AUTS2: variants seen among roughly 807,000 people sequenced by gnomAD.
AUTS2 encodes the protein activator of transcription and developmental regulator AUTS2.
AUTS2 carries 17 observed loss-of-function variants against 112.4 expected under a neutral mutation model. That is an observed-to-expected ratio of 0.15 (90% CI 0.10 to 0.23). The LOEUF (loss-of-function observed/expected upper bound fraction) is 0.23. Ranked by LOEUF, AUTS2 falls within the 10% of genes least tolerant of loss-of-function variation. AUTS2 has a pLI of 1.00. For synonymous variants in AUTS2, 751 were observed against 702.7 expected (o/e 1.07, Z -1.09); for missense variants, 1,510 against 1,701.6 (o/e 0.89, Z 1.98).
In AUTS2 at chr7:70,014,688, G is replaced by A. The variant is rs117938532; in HGVS notation, c.523-103444G>A. ...GTTTTGCTTCTTTGTGTGCATTCAC[G>A]TAGACATGCACACCTCTTCAAATGA... is the stretch of plus-strand genomic sequence containing the variant. On this transcript the variant is annotated intron_variant, in intron 2 of 18. Transcript: ENST00000342771. Among the ~76,000 whole-genome samples the A allele has an allele frequency of 6.6e-4, 100 of 152,258 alleles. 1 individual carries two copies. In the East Asian group the frequency reaches 0.018, roughly 27 times the overall value.
chr7:69,611,669 G>A (rs1397826099), intron 1 of AUTS2, among the ~76,000 whole-genome samples: 1 of 151,986 alleles, frequency 6.6e-6, no homozygotes, highest in Non-Finnish European at 1.5e-5. Flanking sequence ...GGTGGCTCAC[G>A]CCTGTAATCC....
At chr7:70,271,150 A>G (rs1787675230) in intron 4 of AUTS2, among the ~76,000 whole-genome samples, 1 of 152,138 alleles carries the variant, frequency 6.6e-6, no homozygotes, top group Non-Finnish European at 1.5e-5. Flanking sequence ...GCATGAGGGC[A>G]TTCTGTGTCT....
chr7:70,521,492 C>A (rs959100305), intron 5 of AUTS2, among the ~76,000 whole-genome samples: 2 of 152,156 alleles, frequency 1.3e-5, no homozygotes, highest in Non-Finnish European at 2.9e-5. Context: ...TGCACTTAGA[C>A]CCCAGGGTTT....
chr7:69,768,343 T>G (rs903848956), intron 1 of AUTS2, among the ~76,000 whole-genome samples: 4 of 152,264 alleles, frequency 2.6e-5, no homozygotes, highest in African/African-American at 9.6e-5. Context: ...TTTACTTACA[T>G]AAACTCATTT....
At chr7:70,236,677 C>G (rs1677437999) in intron 4 of AUTS2, among the ~76,000 whole-genome samples, 1 of 152,154 alleles carries the variant, frequency 6.6e-6, no homozygotes, top group Non-Finnish European at 1.5e-5. Context: ...CTTTTAGCTT[C>G]TGTTTAGTTT....
intron 2 of AUTS2, among the ~76,000 whole-genome samples, chr7:69,921,774 A>G (rs1485420680): frequency 1.3e-5 from 2 of 150,372 alleles, no homozygotes; most frequent in Non-Finnish European, 3.0e-5. Flanking sequence ...AAAAAAAAAA[A>G]AAAAAAAAAG....
At chr7:69,851,751 T>G (rs747050747) in intron 1 of AUTS2, among the ~76,000 whole-genome samples, 9 of 152,238 alleles carry the variant, frequency 5.9e-5, no homozygotes, top group Non-Finnish European at 1.2e-4. Flanking sequence ...TTCTGAGACA[T>G]TATACATAAC....
chr7:70,325,293 C>T (rs932309264), intron 4 of AUTS2, among the ~76,000 whole-genome samples: 3 of 151,942 alleles, frequency 2.0e-5, no homozygotes, highest in Non-Finnish European at 2.9e-5. Flanking sequence ...CACTTCACTC[C>T]AGCCGGAGTG....
At chr7:70,133,119 A>G (rs1187079484) in intron 3 of AUTS2, among the ~76,000 whole-genome samples, 1 of 152,196 alleles carries the variant, frequency 6.6e-6, no homozygotes, top group Non-Finnish European at 1.5e-5. Context: ...GAGCAGGATC[A>G]CACATCTATG....
chr7:70,362,296 C>T (rs1262401988), intron 4 of AUTS2, among the ~76,000 whole-genome samples: 4 of 152,172 alleles, frequency 2.6e-5, no homozygotes, highest in African/African-American at 4.8e-5. Context: ...TCTTCCCTCC[C>T]TTGTCTCTCT....
chr7:70,718,840 T>C (rs148081487), intron 6 of AUTS2, among the ~76,000 whole-genome samples: 280 of 152,246 alleles, frequency 1.8e-3, no homozygotes, highest in African/African-American at 6.5e-3. Flanking sequence ...ATAATTAAGG[T>C]GACTATATAA....
intron 4 of AUTS2, among the ~76,000 whole-genome samples, chr7:70,225,418 C>T (rs1811711385): frequency 6.6e-6 from 1 of 152,132 alleles, no homozygotes; most frequent in Non-Finnish European, 1.5e-5. Context: ...CTTATAGCAT[C>T]TTGATGGGTA....
intron 6 of AUTS2, among the ~76,000 whole-genome samples, chr7:70,745,852 G>T (rs1337932142): frequency 6.6e-6 from 1 of 152,092 alleles, no homozygotes; most frequent in Non-Finnish European, 1.5e-5. Flanking sequence ...TTTTATTGCA[G>T]TATGATGTCC....
Position 70,229,101 on chromosome 7 carries a change from C to T in AUTS2, c.660+94530C>T, listed in dbSNP as rs73705841. On this transcript the variant is annotated intron_variant, in intron 4 of 18. Coordinates refer to ENST00000342771, the MANE Select transcript of AUTS2 (RefSeq NM_015570.4). ...TGATTTATGTAGCTCTTTTTTAAAT[C>T]GTTAGAGACAAGAAAAGACAAAAAT... is the stretch of plus-strand genomic sequence containing the variant. 3.7e-3 allele frequency among the ~76,000 whole-genome samples: 561 copies of T among 151,882 alleles called. 6 individuals are homozygous for T. Among genetic ancestry groups the T allele is most frequent in the African/African-American group, 0.012 (511 of 41,522 alleles).
intron 1 of AUTS2, among the ~76,000 whole-genome samples, chr7:69,798,666 T>C (rs375619286): frequency 6.6e-6 from 1 of 152,242 alleles, no homozygotes; most frequent in East Asian, 1.9e-4. Flanking sequence ...TTATTATTGG[T>C]ATTACGGAAA....
chr7:70,075,226 C>T (rs1268605746), intron 2 of AUTS2, among the ~76,000 whole-genome samples: 1 of 152,194 alleles, frequency 6.6e-6, no homozygotes, highest in African/African-American at 2.4e-5. Context: ...CTACTGTTGA[C>T]TACTTGTCTC....
intron 2 of AUTS2, among the ~76,000 whole-genome samples, chr7:70,021,213 C>A (rs1224017827): frequency 6.6e-6 from 1 of 152,108 alleles, no homozygotes; most frequent in East Asian, 1.9e-4. Flanking sequence ...AACTCCTGAC[C>A]TCAGGTGATC....
At chr7:69,773,067 G>T (rs892587292) in intron 1 of AUTS2, among the ~76,000 whole-genome samples, 3 of 152,160 alleles carry the variant, frequency 2.0e-5, no homozygotes, top group Non-Finnish European at 4.4e-5. Context: ...TTGAATCCCA[G>T]ACCTACTATT....
chr7:70,582,415 C>T (rs562769141), intron 5 of AUTS2, among the ~76,000 whole-genome samples: 26 of 152,326 alleles, frequency 1.7e-4, no homozygotes, highest in African/African-American at 5.8e-4. Context: ...AGCCTGCATT[C>T]TCCGACTTGA....
Sources: gnomAD v4.1 joint callset for allele counts (sites outside exome capture counted in the v4.1 genomes callset) on GRCh38, gnomAD v4.1.1 for gene constraint, MANE v1.5 for transcripts, NCBI Gene and HGNC (gene_info 2026-07-23, HGNC 2026-07-21) for gene names.